CACNA2D3: variants seen among roughly 807,000 people sequenced by gnomAD.
CACNA2D3 encodes the protein voltage-dependent calcium channel subunit alpha-2/delta-3.
In CACNA2D3, 60 loss-of-function variants were observed where a neutral mutation model predicts 160.6. That is an observed-to-expected ratio of 0.37 (90% confidence interval 0.30 to 0.46). The LOEUF is 0.46. CACNA2D3 is among the 20% of genes least tolerant of loss of function. CACNA2D3 has a pLI of 1.00. For synonymous variants in CACNA2D3, 558 were observed against 492.9 expected (o/e 1.13, Z -1.75); for missense variants, 1,205 against 1,365.0 (o/e 0.88, Z 1.85).
intron 11 of CACNA2D3, among the ~76,000 whole-genome samples, chr3:54,652,814 G>C (rs1293893148): frequency 7.7e-6 from 1 of 130,396 alleles, no homozygotes; most frequent in Non-Finnish European, 1.6e-5. Flanking sequence ...ACCGAGTTTC[G>C]CTGTGTCACC....
intron 4 of CACNA2D3, among the ~76,000 whole-genome samples, chr3:54,420,784 G>C (rs1455078204): frequency 6.6e-6 from 1 of 152,178 alleles, no homozygotes; most frequent in Non-Finnish European, 1.5e-5. Flanking sequence ...GCTGCACCTG[G>C]GATGCAAAAT....
At chr3:54,155,205 T>G (rs907345892) in intron 2 of CACNA2D3, among the ~76,000 whole-genome samples, 1 of 152,212 alleles carries the variant, frequency 6.6e-6, no homozygotes, top group Admixed American at 6.5e-5. Flanking sequence ...TAGGCTATGC[T>G]GTGGTAGTAA....
At chr3:54,250,774 G>A (rs532230038) in intron 2 of CACNA2D3, among the ~76,000 whole-genome samples, 1 of 152,256 alleles carries the variant, frequency 6.6e-6, no homozygotes, top group East Asian at 1.9e-4. Context: ...TGATAAGCAT[G>A]CAACTCCTAG....
In CACNA2D3 at chr3:54,478,836, A is replaced by C. The variant is rs1336419766; in HGVS notation, c.382-24656A>C. On this transcript the variant is annotated intron_variant, in intron 4 of 37. Transcript: ENST00000474759. ...GTATGGCAGTGCTTATGTTCAGATA[A>C]CCCTTATTTTACTTAATAATGCTTT... is the stretch of plus-strand genomic sequence containing the variant. Among the ~76,000 whole-genome samples, 6 of 149,338 alleles carry C rather than the reference A, an allele frequency of 4.0e-5. No individual in the cohort carries two copies. The East Asian group carries it at 1.2e-3, about 29-fold the overall frequency.
At chr3:54,238,023 T>G (rs906386496) in intron 2 of CACNA2D3, among the ~76,000 whole-genome samples, 6 of 152,184 alleles carry the variant, frequency 3.9e-5, no homozygotes, top group African/African-American at 1.4e-4. Context: ...ACCTGTCTTC[T>G]TGCAGCAGCC....
chr3:54,328,344 C>T (rs948652931), intron 3 of CACNA2D3, among the ~76,000 whole-genome samples: 13 of 152,250 alleles, frequency 8.5e-5, no homozygotes, highest in East Asian at 3.9e-4. Flanking sequence ...TGCAATGGCC[C>T]GATCTTGGCT....
intron 11 of CACNA2D3, among the ~76,000 whole-genome samples, chr3:54,741,503 G>A (rs1701649060): frequency 1.3e-5 from 2 of 152,086 alleles, no homozygotes; most frequent in Admixed American, 6.5e-5. Flanking sequence ...GCCACCCTGG[G>A]AGGCTGAGGT....
rs754182388 is a variant in CACNA2D3, at chr3:54,642,127, G to A, written c.1054-1G>A. ...TATTTTGAACTTATTTCTTTCCCTA[G>A]TTCAACCACACGGGACAAGGAAGTA... On this transcript the variant is annotated splice_acceptor_variant, in intron 10 of 37. Transcript: ENST00000474759. LOFTEE classifies it high-confidence loss of function. 1 of 1,603,466 alleles carries A rather than the reference G, an allele frequency of 6.2e-7. No individual in the cohort carries two copies. Among genetic ancestry groups the A allele is most frequent in the Non-Finnish European group, 8.5e-7 (1 of 1,173,508 alleles).
intron 4 of CACNA2D3, among the ~76,000 whole-genome samples, chr3:54,473,713 A>G (rs1700777488): frequency 6.6e-6 from 1 of 152,254 alleles, no homozygotes; most frequent in Non-Finnish European, 1.5e-5. Context: ...CCCATTAAAA[A>G]GTGGATGAAG....
intron 2 of CACNA2D3, among the ~76,000 whole-genome samples, chr3:54,149,928 T>TCTCTCTCTCTCCCTCCCTCCCTCC (rs1559863335): frequency 2.8e-5 from 1 of 35,550 alleles, no homozygotes; most frequent in Non-Finnish European, 5.3e-5. Flanking sequence ...TCTCTCTCTC[T>TCTCTCTCTCTCCCTCCCTCCCTCC]CTCCCTCCCT....
chr3:54,374,967 A>G (rs562461726), intron 3 of CACNA2D3, among the ~76,000 whole-genome samples: 3 of 151,962 alleles, frequency 2.0e-5, no homozygotes, highest in Non-Finnish European at 4.4e-5. Flanking sequence ...CCTCCACATA[A>G]TCTTCATATG....
chr3:54,926,160 T>A (rs756609167), intron 27 of CACNA2D3, among the ~76,000 whole-genome samples: 1 of 152,154 alleles, frequency 6.6e-6, no homozygotes, highest in Non-Finnish European at 1.5e-5. Context: ...CCAGACATTT[T>A]AAAAACAATC....
At chr3:55,031,771 G>GT (rs1348446414) in intron 35 of CACNA2D3, among the ~76,000 whole-genome samples, 3 of 152,188 alleles carry the variant, frequency 2.0e-5, no homozygotes, top group African/African-American at 7.2e-5. Flanking sequence ...AAGAAAATGG[G>GT]TGGAGAGGGT....
At chr3:54,707,892 C>G (rs2106958365) in intron 11 of CACNA2D3, among the ~76,000 whole-genome samples, 1 of 152,266 alleles carries the variant, frequency 6.6e-6, no homozygotes, top group Non-Finnish European at 1.5e-5. Flanking sequence ...GATGGAAAGG[C>G]CCTTCCAAAT....
At chr3:54,555,076 A>G (rs1361810553) in intron 5 of CACNA2D3, among the ~76,000 whole-genome samples, 1 of 151,944 alleles carries the variant, frequency 6.6e-6, no homozygotes, top group African/African-American at 2.4e-5. Flanking sequence ...GAGTTTCGCC[A>G]TGTTGGCCAG....
intron 30 of CACNA2D3, among the ~76,000 whole-genome samples, chr3:54,987,295 T>C (rs1702635400): frequency 6.6e-6 from 1 of 152,196 alleles, no homozygotes; most frequent in African/African-American, 2.4e-5. Context: ...TTTTTATTAG[T>C]GCTTAGGAAG....
At chr3:54,312,212 G>C (rs1434663131) in intron 2 of CACNA2D3, among the ~76,000 whole-genome samples, 1 of 152,174 alleles carries the variant, frequency 6.6e-6, no homozygotes, top group South Asian at 2.1e-4. Context: ...GGTCCTTGCT[G>C]TGCCATCTCC....
chr3:54,716,710 G>A (rs562841518), intron 11 of CACNA2D3, among the ~76,000 whole-genome samples: 2 of 152,268 alleles, frequency 1.3e-5, no homozygotes, highest in Admixed American at 1.3e-4. Flanking sequence ...CAAAAGTAAA[G>A]GAGTTTTTGG....
chr3:54,224,120 G>A (rs1391895897), intron 2 of CACNA2D3, among the ~76,000 whole-genome samples: 1 of 151,988 alleles, frequency 6.6e-6, no homozygotes, highest in Admixed American at 6.6e-5. Flanking sequence ...CCAACATGGG[G>A]TCAGGATCAT....
Sources: allele counts gnomAD v4.1 joint callset (sites outside exome capture counted in the v4.1 genomes callset), GRCh38; gene constraint gnomAD v4.1.1; transcripts MANE v1.5; gene names NCBI Gene and HGNC (gene_info 2026-07-23, HGNC 2026-07-21).